Variants in SCAF4 observed in about 807,000 individuals in gnomAD.
SCAF4 encodes SR-related and CTD-associated factor 4.
In SCAF4, 25 loss-of-function variants were observed where a neutral mutation model predicts 129.8. The ratio of observed to expected loss-of-function variants is 0.19; its 90% CI spans 0.14 to 0.27. The LOEUF is 0.27. Ranked by LOEUF, SCAF4 falls within the 10% of genes least tolerant of loss-of-function variation. SCAF4 has a pLI of 1.00. For synonymous variants in SCAF4, 551 were observed against 497.7 expected (o/e 1.11, Z -1.43); for missense variants, 1,246 against 1,457.1 (o/e 0.86, Z 2.36).
intron 1 of SCAF4, among the ~76,000 whole-genome samples, chr21:31,715,792 A>G (rs2050907561): frequency 6.6e-6 from 1 of 152,234 alleles, no homozygotes; most frequent in Non-Finnish European, 1.5e-5. Context: ...ATTTATAACC[A>G]GTCAGCTAAA....
At chr21:31,715,216 T>C (rs2050896205) in intron 1 of SCAF4, among the ~76,000 whole-genome samples, 1 of 152,184 alleles carries the variant, frequency 6.6e-6, no homozygotes, top group African/African-American at 2.4e-5. Context: ...TGGCCTCTTC[T>C]TCCATCTTCA....
chr21:31,721,645 T>C (rs56003311), intron 1 of SCAF4, among the ~76,000 whole-genome samples: 11 of 151,938 alleles, frequency 7.2e-5, no homozygotes, highest in Non-Finnish European at 1.0e-4. Context: ...GTGCAGGCAG[T>C]AAGTGGGTGA....
At position 31,696,127 on chromosome 21, in the gene SCAF4, G is replaced by A; in HGVS notation, c.1054C>T (p.Pro352Ser). 2 of 1,611,044 alleles carry A rather than the reference G, an allele frequency of 1.2e-6. No homozygotes were observed. Among genetic ancestry groups the A allele is most frequent in the Non-Finnish European group, 8.5e-7 (1 of 1,177,460 alleles). ...QPRMMGIQQD[P>S]MHHQVPLPPN... is the part of the protein sequence containing the mutation. ...AATGCTTGTACCTGATGGTGCATTG[G>A]ATCCTGTTGTATTCCCATCATTCGT... The change falls in exon 9 of 20, where the codon CCA becomes TCA. Residue 352 changes from proline (P) to serine (S), a missense_variant. Physicochemically the swap from Pro to Ser is moderately conservative, Grantham distance 74. Coordinates refer to ENST00000286835, the MANE Select transcript of SCAF4 (RefSeq NM_020706.2).
chr21:31,691,067 G>T, intron 14 of SCAF4, 114 bp from the exon 15 acceptor site: 1 of 730,074 alleles, frequency 1.4e-6, no homozygotes, highest in Non-Finnish European at 2.2e-6. Context: ...GGAGCAATCT[G>T]GACCAGCTAG....
At chr21:31,723,219 T>C (rs1057162206) in intron 1 of SCAF4, among the ~76,000 whole-genome samples, 3 of 152,064 alleles carry the variant, frequency 2.0e-5, no homozygotes, top group Non-Finnish European at 2.9e-5. Flanking sequence ...TTAATAGTCA[T>C]TGACAAACCT....
At chr21:31,695,510 CAAAT>C (rs893729058) in intron 9 of SCAF4, among the ~76,000 whole-genome samples, 5 of 152,084 alleles carry the variant, frequency 3.3e-5, no homozygotes, top group Non-Finnish European at 5.9e-5. Flanking sequence ...AGTTTAAACA[CAAAT>C]AAAACTATAA....
intron 10 of SCAF4, 115 bp from the exon 11 acceptor site, chr21:31,694,404 G>A (rs1341818360): frequency 3.1e-6 from 2 of 649,210 alleles, no homozygotes; most frequent in South Asian, 2.5e-5. Context: ...TTCTCTTTTG[G>A]TTGCCTGGGA....
At position 31,693,542 on chromosome 21, in the gene SCAF4, A is replaced by G. The variant is rs1285419231; in HGVS notation, c.1323-58T>C. ...CATATAGACAAAAACCAGAAAATAT[A>G]AGCACATACTAATTAAAACAGAACA... On this transcript the variant is annotated intron_variant, in intron 11 of 19. Coordinates refer to ENST00000286835, the MANE Select transcript of SCAF4 (RefSeq NM_020706.2). The G allele has an allele frequency of 4.4e-6, 5 of 1,141,630 alleles. No individual in the cohort carries two copies. In the Admixed American group the frequency reaches 1.4e-4, roughly 32 times the overall value. The allele number at this position is 1,141,630 out of a possible 1,614,324, so 70.7% of individuals were successfully genotyped here.
chr21:31,713,160 A>G (rs2050845834), intron 1 of SCAF4, among the ~76,000 whole-genome samples: 1 of 152,232 alleles, frequency 6.6e-6, no homozygotes, highest in Non-Finnish European at 1.5e-5. Context: ...TAAATAAAAG[A>G]GTTAATTGTC....
intron 19 of SCAF4, among the ~76,000 whole-genome samples, chr21:31,673,829 T>A (rs925439593): frequency 1.3e-5 from 2 of 152,246 alleles, no homozygotes; most frequent in African/African-American, 4.8e-5. Context: ...TGAAACAAAC[T>A]GAACTTTACT....
chr21:31,722,782 G>A (rs1163064621), intron 1 of SCAF4, among the ~76,000 whole-genome samples: 7 of 151,960 alleles, frequency 4.6e-5, no homozygotes, highest in Admixed American at 6.6e-5. Flanking sequence ...GAGAAACCCC[G>A]TCTCTACTAA....
Position 31,685,422 on chromosome 21 carries a change from T to G in SCAF4, c.2272A>C (p.Thr758Pro). The G allele has an allele frequency of 4.3e-6, 7 of 1,611,000 alleles. No individual in the cohort carries two copies. Among genetic ancestry groups the G allele is most frequent in the Non-Finnish European group, 5.9e-6 (7 of 1,178,686 alleles). Residue 758 changes from threonine (T) to proline (P), a missense_variant, in exon 18 of 20, where the codon ACT (threonine) becomes CCT (proline). Physicochemically the swap from Thr to Pro is conservative, Grantham distance 38. Transcript: ENST00000286835. Reference protein sequence around the residue: ...TPPVSIPPPHTPPISIPNSTI... With the variant: ...TPPVSIPPPHPPPISIPNSTI... ...CAGTTTGGGATGCTTATTGGTGGAG[T>G]GTGAGGAGGAGGAATGGATACTGGT...
chr21:31,726,442 A>T (rs2051206870), intron 1 of SCAF4, among the ~76,000 whole-genome samples: 1 of 151,856 alleles, frequency 6.6e-6, no homozygotes, highest in Non-Finnish European at 1.5e-5. Context: ...TGGGCTAATC[A>T]CTTGAGCTCA....
At chr21:31,699,472 T>C (rs1370764178) in intron 7 of SCAF4, among the ~76,000 whole-genome samples, 2 of 151,736 alleles carry the variant, frequency 1.3e-5, no homozygotes, top group Non-Finnish European at 2.9e-5. Context: ...GTGGAATTCT[T>C]TCCTTATTTT....
chr21:31,679,992 A>T (rs1420588418), intron 19 of SCAF4, among the ~76,000 whole-genome samples: 7 of 152,232 alleles, frequency 4.6e-5, no homozygotes, highest in African/African-American at 1.4e-4. Context: ...GAATGAGATT[A>T]TCTGTAGGCA....
At chr21:31,728,483 G>A (rs564360666) in intron 1 of SCAF4, among the ~76,000 whole-genome samples, 1 of 151,908 alleles carries the variant, frequency 6.6e-6, no homozygotes, top group South Asian at 2.1e-4. Context: ...TATTATCTTC[G>A]GACACAATTA....
chr21:31,701,953 A>C (rs1291522060), intron 5 of SCAF4, 35 bp from the exon 6 acceptor site: 1 of 1,602,336 alleles, frequency 6.2e-7, no homozygotes, highest in Non-Finnish European at 8.5e-7. Context: ...CCTAAAAAAA[A>C]AGTTAACCTA....
intron 7 of SCAF4, among the ~76,000 whole-genome samples, chr21:31,699,928 G>C (rs534121142): frequency 1.3e-5 from 2 of 152,244 alleles, no homozygotes; most frequent in African/African-American, 4.8e-5. Flanking sequence ...AGGCCCGATA[G>C]AGCAGCTGAG....
chr21:31,723,612 G>T (rs868704656), intron 1 of SCAF4, among the ~76,000 whole-genome samples: 3 of 135,148 alleles, frequency 2.2e-5, no homozygotes, highest in African/African-American at 8.1e-5. Context: ...TTTATATGAT[G>T]TGTGTGTGTG....
Sources: gnomAD v4.1 joint callset for allele counts (sites outside exome capture counted in the v4.1 genomes callset) on GRCh38, gnomAD v4.1.1 for gene constraint, MANE v1.5 for transcripts, NCBI Gene and HGNC (gene_info 2026-07-23, HGNC 2026-07-21) for gene names.